PRSS12: variants seen among roughly 807,000 people sequenced by gnomAD.
PRSS12 encodes serine protease 12.
Under a neutral mutation model 104.4 loss-of-function variants are expected in PRSS12, and 85 were observed. That is an observed-to-expected ratio of 0.81 (90% CI 0.68 to 0.98). The LOEUF (loss-of-function observed/expected upper bound fraction) is 0.98, where lower values mean the gene tolerates loss of function less well. Ranked by LOEUF, PRSS12 falls within the 50% of genes least tolerant of loss-of-function variation. The pLI is 0.00. For missense variants in PRSS12, 1,141 were observed against 1,139.2 expected (o/e 1.00, Z -0.02); for synonymous variants, 454 against 425.2 (o/e 1.07, Z -0.83).
At chr4:118,295,730 T>A in intron 10 of PRSS12, 48 bp downstream of exon 10, 1 of 1,511,352 alleles carries the variant, frequency 6.6e-7, no homozygotes, top group Middle Eastern at 1.7e-4. Context: ...ACTCTATGTA[T>A]ATAAATAATT....
intron 2 of PRSS12, among the ~76,000 whole-genome samples, chr4:118,337,651 CCCAT>C (rs1394823946): frequency 6.6e-6 from 1 of 152,090 alleles, no homozygotes; most frequent in African/African-American, 2.4e-5. Context: ...TCACCACTTC[CCCAT>C]CAAGGACAAG....
intron 4 of PRSS12, among the ~76,000 whole-genome samples, chr4:118,329,366 T>C (rs573215681): frequency 6.6e-6 from 1 of 152,346 alleles, no homozygotes; most frequent in South Asian, 2.1e-4. Flanking sequence ...ATAACCCATA[T>C]TGTAACTGAT....
intron 11 of PRSS12, among the ~76,000 whole-genome samples, chr4:118,293,299 A>T (rs925684152): frequency 3.3e-5 from 5 of 151,990 alleles, no homozygotes; most frequent in African/African-American, 9.7e-5. Flanking sequence ...AAACTGGAAA[A>T]ATTAAACTTC....
At chr4:118,285,746 T>C (rs866455351) in intron 11 of PRSS12, among the ~76,000 whole-genome samples, 1 of 152,348 alleles carries the variant, frequency 6.6e-6, no homozygotes, top group Middle Eastern at 3.4e-3. Flanking sequence ...TTTGCAATGA[T>C]AATATTTTAG....
At chr4:118,331,981 CACACCAGTGATATGG>C (rs1222627432) in intron 3 of PRSS12, 115 bp from the exon 4 acceptor site, 4 of 1,335,318 alleles carry the variant, frequency 3.0e-6, no homozygotes, top group Non-Finnish European at 4.2e-6. Flanking sequence ...TTTATAAAGC[CACACCAGTGATATGG>C]ACATACGTAT....
chr4:118,285,578 G>A (rs1742995151), intron 11 of PRSS12, among the ~76,000 whole-genome samples: 1 of 151,998 alleles, frequency 6.6e-6, no homozygotes, highest in Admixed American at 6.6e-5. Flanking sequence ...AGCTAACTGT[G>A]GTTACTGCAG....
intron 3 of PRSS12, among the ~76,000 whole-genome samples, chr4:118,335,055 T>C (rs1203965500): frequency 6.6e-6 from 1 of 152,204 alleles, no homozygotes; most frequent in Non-Finnish European, 1.5e-5. Flanking sequence ...ACTGATGCCA[T>C]AATTATATTG....
intron 6 of PRSS12, among the ~76,000 whole-genome samples, chr4:118,314,690 C>T (rs34399419): frequency 0.3 from 45,592 of 151,880 alleles, 7,227 homozygotes; most frequent in East Asian, 0.52. Flanking sequence ...CCTTCTAACA[C>T]AATCATTTAG....
chr4:118,281,674 A>T lies in PRSS12; in HGVS notation c.*262T>A. The T allele has an allele frequency of 5.9e-6, 3 of 510,966 alleles. No homozygotes were observed. 31.7% of individuals were successfully genotyped at this position (510,966 alleles called of 1,614,324 possible). ...CATAGAATGATTTTGAGAAATAGGT[A>T]GGGGATAGATGAGGCTTAGAATAAG... On this transcript the variant is annotated 3_prime_UTR_variant, in exon 13 of 13. Coordinates refer to ENST00000296498, the MANE Select transcript of PRSS12 (RefSeq NM_003619.4).
intron 8 of PRSS12, among the ~76,000 whole-genome samples, chr4:118,307,509 T>C (rs1743586613): frequency 6.6e-6 from 1 of 152,202 alleles, no homozygotes; most frequent in Admixed American, 6.5e-5. Flanking sequence ...TTTATATACA[T>C]ATTATCTTAA....
chr4:118,335,328 T>G (rs1430312123), intron 3 of PRSS12, 145 bp downstream of exon 3: 3 of 895,250 alleles, frequency 3.4e-6, no homozygotes, highest in Non-Finnish European at 5.0e-6. Context: ...TGAAGACTAA[T>G]TAGATGGTAA....
chr4:118,286,878 C>T (rs1211225071), intron 11 of PRSS12, among the ~76,000 whole-genome samples: 1 of 152,104 alleles, frequency 6.6e-6, no homozygotes, highest in Non-Finnish European at 1.5e-5. Flanking sequence ...CCCGTACATG[C>T]CCAGAACTTC....
At chr4:118,338,402 A>C in intron 1 of PRSS12, 88 bp from the exon 2 acceptor site, 1 of 1,516,060 alleles carries the variant, frequency 6.6e-7, no homozygotes, top group African/African-American at 1.4e-5. Context: ...TGATTTTTAA[A>C]CTTAAGTAGT....
At chr4:118,302,942 C>T (rs1270206360) in intron 8 of PRSS12, among the ~76,000 whole-genome samples, 1 of 151,872 alleles carries the variant, frequency 6.6e-6, no homozygotes, top group Non-Finnish European at 1.5e-5. Flanking sequence ...TTCAAATCGG[C>T]ATAATTTGAA....
intron 4 of PRSS12, among the ~76,000 whole-genome samples, chr4:118,328,182 T>C (rs1310741097): frequency 6.6e-6 from 1 of 152,220 alleles, no homozygotes. Context: ...AGAGTACTGC[T>C]TTATTGCAAA....
rs1341763617 is a variant in PRSS12 at position 118,352,299 on chromosome 4, G to A, written c.422C>T (p.Pro141Leu). 3 of 1,603,208 alleles carry A rather than the reference G, an allele frequency of 1.9e-6. No homozygotes were observed. The highest frequency in any genetic ancestry group is 1.7e-5 in the Admixed American group (1 of 58,874). The change falls in exon 1 of 13, where the codon CCC becomes CTC. Residue 141 changes from proline (P) to leucine (L), a missense_variant. Coordinates refer to ENST00000296498, the MANE Select transcript of PRSS12 (RefSeq NM_003619.4). Reference sequence around the variant, plus strand: ...ACACCAGGGTCTGCCCGCGCCGTCGGGGCTCCGACAAAAGTTGTGGCGCTG... The same window carrying A: ...ACACCAGGGTCTGCCCGCGCCGTCGAGGCTCCGACAAAAGTTGTGGCGCTG... Reference protein sequence around the residue: ...RGQRHNFCRSPDGAGRPWCFY... With the variant: ...RGQRHNFCRSLDGAGRPWCFY...
chr4:118,340,115 G>C (rs1482287602), intron 1 of PRSS12, among the ~76,000 whole-genome samples: 2 of 152,182 alleles, frequency 1.3e-5, no homozygotes, highest in South Asian at 4.1e-4. Context: ...GAGGCACTTA[G>C]AGGTGAGAAG....
intron 3 of PRSS12, among the ~76,000 whole-genome samples, chr4:118,332,248 T>C (rs1367061958): frequency 6.6e-6 from 1 of 152,216 alleles, no homozygotes; most frequent in Non-Finnish European, 1.5e-5. Flanking sequence ...CAATATGTCA[T>C]TATTAAGAAT....
chr4:118,336,148 C>G (rs1040253745), intron 2 of PRSS12, among the ~76,000 whole-genome samples: 6 of 152,184 alleles, frequency 3.9e-5, no homozygotes, highest in Middle Eastern at 3.2e-3. Context: ...ATTACTACAT[C>G]TAAGCACAAT....
Sources: gnomAD v4.1 joint callset for allele counts (sites outside exome capture counted in the v4.1 genomes callset) on GRCh38, gnomAD v4.1.1 for gene constraint, MANE v1.5 for transcripts, NCBI Gene and HGNC (gene_info 2026-07-23, HGNC 2026-07-21) for gene names.